GK5: variants seen among roughly 807,000 people sequenced by gnomAD.
GK5 encodes glycerol kinase 5.
In GK5, 39 loss-of-function variants were observed where a neutral mutation model predicts 77.3. The ratio of observed to expected loss-of-function variants is 0.50; its 90% confidence interval spans 0.39 to 0.66. The LOEUF (loss-of-function observed/expected upper bound fraction) is 0.66, where lower values mean the gene tolerates loss of function less well. Ranked by LOEUF, GK5 falls within the 30% of genes least tolerant of loss-of-function variation. GK5 has a pLI of 0.00. For synonymous variants in GK5, 211 were observed against 208.0 expected (o/e 1.01, Z -0.13); for missense variants, 487 against 633.8 (o/e 0.77, Z 2.49).
At chr3:142,171,971 G>A (rs191172800) in intron 13 of GK5, among the ~76,000 whole-genome samples, 81 of 152,174 alleles carry the variant, frequency 5.3e-4, no homozygotes, top group African/African-American at 1.9e-3. Flanking sequence ...AGGGAAATAT[G>A]CAGAAGAATA....
intron 5 of GK5, 32 bp downstream of exon 5, chr3:142,198,770 A>G (rs1294605518): frequency 1.9e-6 from 3 of 1,574,830 alleles, no homozygotes; most frequent in South Asian, 1.2e-5. Context: ...ACATACACAC[A>G]TATTTTCCAC....
intron 6 of GK5, 150 bp from the exon 7 acceptor site, chr3:142,186,663 A>C (rs1205934147): frequency 1.5e-5 from 6 of 404,852 alleles, no homozygotes; most frequent in Middle Eastern, 7.0e-4. Context: ...ACGGAGTTTC[A>C]CTCGTTGCCC....
chr3:142,198,588 T>A (rs753148554), intron 5 of GK5, among the ~76,000 whole-genome samples: 1 of 152,312 alleles, frequency 6.6e-6, no homozygotes, highest in African/African-American at 2.4e-5. Flanking sequence ...CACATCAGCC[T>A]GAGCAACAAG....
At chr3:142,190,710 G>A (rs1222950777) in intron 5 of GK5, among the ~76,000 whole-genome samples, 4 of 152,104 alleles carry the variant, frequency 2.6e-5, no homozygotes, top group African/African-American at 9.7e-5. Context: ...AAAGTACAAA[G>A]GATAGCACCC....
chr3:142,212,483 C>T (rs1052738082), intron 3 of GK5, among the ~76,000 whole-genome samples: 1 of 152,046 alleles, frequency 6.6e-6, no homozygotes, highest in Admixed American at 6.6e-5. Context: ...CTGCAGTGAG[C>T]TGTAATCATG....
intron 15 of GK5, 37 bp downstream of exon 15, chr3:142,170,288 G>C (rs2063520475): frequency 6.2e-7 from 1 of 1,601,936 alleles, no homozygotes; most frequent in African/African-American, 1.3e-5. Flanking sequence ...GGAAGAGTTT[G>C]CAAGAAAACT....
rs1483558724 is a variant in GK5 at position 142,183,383 on chromosome 3, T to G, written c.817-334A>C. The G allele has an allele frequency of 4.8e-5, 8 of 165,946 alleles. No homozygotes were observed. In the East Asian group the frequency reaches 1.0e-3, roughly 21 times the overall value. The allele number at this position is 165,946 out of a possible 1,614,324, so 10.3% of individuals were successfully genotyped here. A position where few individuals can be genotyped will look rare whatever the true frequency, so the allele number is the denominator to read the frequency against. On this transcript the variant is annotated intron_variant, in intron 9 of 15. Transcript: ENST00000392993. Reference sequence around the variant, plus strand: ...ATCACAGCTCACTGCAGCCTCAAACTTCTGGACTCAAGTGATCCTCCCACC... The same window carrying G: ...ATCACAGCTCACTGCAGCCTCAAACGTCTGGACTCAAGTGATCCTCCCACC...
At chr3:142,205,897 A>C (rs1436957715) in intron 3 of GK5, among the ~76,000 whole-genome samples, 1 of 152,186 alleles carries the variant, frequency 6.6e-6, no homozygotes, top group Non-Finnish European at 1.5e-5. Context: ...CAATTAGGAA[A>C]TCATTCCCCA....
intron 12 of GK5, among the ~76,000 whole-genome samples, chr3:142,176,330 T>C (rs1017142251): frequency 6.6e-6 from 1 of 151,892 alleles, no homozygotes; most frequent in African/African-American, 2.4e-5. Flanking sequence ...TGCCTGAATA[T>C]GAGATAAGCA....
rs1042034841 is a variant in GK5, at chr3:142,165,570, T to C, written c.*52A>G. ...TGGGTTATCCCTGAGCTTCATCTCA[T>C]CTGCACGTCACATAAACCAGCTACC... On this transcript the variant is annotated 3_prime_UTR_variant, in exon 16 of 16. Coordinates refer to ENST00000392993, the MANE Select transcript of GK5 (RefSeq NM_001039547.3). 2.6e-5 allele frequency: 37 copies of C among 1,416,736 alleles called. No homozygotes were observed. The highest frequency in any genetic ancestry group is 3.3e-5 in the Non-Finnish European group (34 of 1,041,316). The allele number at this position is 1,416,736 out of a possible 1,614,324, so 87.8% of individuals were successfully genotyped here.
At chr3:142,170,530 T>C in intron 14 of GK5, 72 bp from the exon 15 acceptor site, 4 of 1,293,796 alleles carry the variant, frequency 3.1e-6, no homozygotes, top group Non-Finnish European at 4.3e-6. Context: ...GGCCACATTT[T>C]TTTCCTGAAA....
At chr3:142,181,882 T>C (rs2063701901) in intron 10 of GK5, among the ~76,000 whole-genome samples, 1 of 152,240 alleles carries the variant, frequency 6.6e-6, no homozygotes, top group African/African-American at 2.4e-5. Flanking sequence ...TTGTATTAGC[T>C]ATAGGCATGT....
chr3:142,213,913 C>T (rs2064234148), intron 2 of GK5, among the ~76,000 whole-genome samples: 1 of 152,154 alleles, frequency 6.6e-6, no homozygotes, highest in Non-Finnish European at 1.5e-5. Context: ...ATCTCTGCCT[C>T]CCGGGTTCAA....
intron 5 of GK5, 93 bp downstream of exon 5, chr3:142,198,709 C>T: frequency 9.2e-7 from 1 of 1,087,722 alleles, no homozygotes; most frequent in Non-Finnish European, 1.3e-6. Context: ...AATCAAATTA[C>T]TATCTTTATT....
At chr3:142,173,903 A>G (rs909291904) in intron 12 of GK5, among the ~76,000 whole-genome samples, 6 of 152,102 alleles carry the variant, frequency 3.9e-5, no homozygotes, top group Non-Finnish European at 8.8e-5. Context: ...TCATCCCTTT[A>G]CCTGAAACAC....
At chr3:142,177,622 A>C (rs777004887) in intron 11 of GK5, 46 bp from the exon 12 acceptor site, 1 of 1,052,592 alleles carries the variant, frequency 9.5e-7, no homozygotes, top group South Asian at 1.3e-5. Flanking sequence ...CAAAATGAAG[A>C]GGTTAGAGAG....
rs1317729106 is a variant in GK5 at position 142,158,270 on chromosome 3, G to A, written c.*7352C>T. On this transcript the variant is annotated 3_prime_UTR_variant, in exon 16 of 16. Coordinates refer to ENST00000392993, the MANE Select transcript of GK5 (RefSeq NM_001039547.3). ...CCGGCCTTGTTTTTGTTTTTGCCAA[G>A]TTTCACCATGTTGCCCAGGATATCC... 6.6e-6 allele frequency: 1 copy of A among 152,082 alleles called. No individual in the cohort carries two copies. Among genetic ancestry groups the A allele is most frequent in the South Asian group, 2.1e-4 (1 of 4,798 alleles). 9.4% of individuals were successfully genotyped at this position (152,082 alleles called of 1,614,324 possible). A position where few individuals can be genotyped will look rare whatever the true frequency, so the allele number is the denominator to read the frequency against.
At position 142,172,332 on chromosome 3, in the gene GK5, GT is replaced by G; in HGVS notation, c.1247+20del. 1 of 1,238,968 alleles carries G rather than the reference GT, an allele frequency of 8.1e-7. No individual in the cohort carries two copies. The highest frequency in any genetic ancestry group is 1.2e-6 in the Non-Finnish European group (1 of 852,240). The allele number at this position is 1,238,968 out of a possible 1,614,324, so 76.7% of individuals were successfully genotyped here. A position where few individuals can be genotyped will look rare whatever the true frequency, so the allele number is the denominator to read the frequency against. ...GGCAATATTCTATGGGGAAGGGGAA[GT>G]TTAGGGCAGGTTTTCATACCTGAAA... On this transcript the variant is annotated intron_variant, in intron 13 of 15. Transcript: ENST00000392993.
At chr3:142,222,809 C>A (rs965926036) in intron 1 of GK5, among the ~76,000 whole-genome samples, 2 of 152,058 alleles carry the variant, frequency 1.3e-5, no homozygotes, top group African/African-American at 4.8e-5. Context: ...AAAAGGCATA[C>A]AAAATAAAAT....
Sources: gnomAD v4.1 joint callset for allele counts (sites outside exome capture counted in the v4.1 genomes callset) on GRCh38, gnomAD v4.1.1 for gene constraint, MANE v1.5 for transcripts, NCBI Gene and HGNC (gene_info 2026-07-23, HGNC 2026-07-21) for gene names.